SYN3: variants seen among roughly 807,000 people sequenced by gnomAD.
SYN3 encodes the protein synapsin III, also known as synapsin-3.
In SYN3, 35 loss-of-function variants were observed where a neutral mutation model predicts 65.8. That is an observed-to-expected ratio of 0.53 (90% CI 0.41 to 0.70). The LOEUF (loss-of-function observed/expected upper bound fraction) is 0.70, where lower values mean the gene tolerates loss of function less well. Ranked by LOEUF, SYN3 falls within the 30% of genes least tolerant of loss-of-function variation. The probability of loss-of-function intolerance (pLI) is 0.00; values close to 1 mark genes in which losing one functional copy is unlikely to be tolerated. For synonymous variants in SYN3, 270 were observed against 292.9 expected, an observed-to-expected ratio of 0.92 and a Z score of 0.80; for missense variants, 680 against 749.0, an observed-to-expected ratio of 0.91 and a Z score of 1.08.
chr22:32,833,772 G>T, intron 6 of SYN3: 1 of 498,040 alleles, frequency 2.0e-6, no homozygotes, highest in South Asian at 1.4e-5. Context: ...CTAAAAGATG[G>T]GCTAATGACA....
chr22:32,898,286 C>T (rs1489366954), intron 4 of SYN3, among the ~76,000 whole-genome samples: 2 of 152,112 alleles, frequency 1.3e-5, no homozygotes, highest in African/African-American at 4.8e-5. Flanking sequence ...AGCCACTGCG[C>T]CCGGCCCCAG....
chr22:32,522,163 C>T (rs1442075364), intron 12 of SYN3, among the ~76,000 whole-genome samples: 1 of 152,190 alleles, frequency 6.6e-6, no homozygotes, highest in Non-Finnish European at 1.5e-5. Flanking sequence ...AAATGAACAG[C>T]AAGTTCAAAA....
chr22:32,740,365 G>A (rs2061389068), intron 6 of SYN3, among the ~76,000 whole-genome samples: 1 of 152,176 alleles, frequency 6.6e-6, no homozygotes, highest in East Asian at 1.9e-4. Context: ...AAAAATGAGA[G>A]GTGCTGGAGA....
chr22:32,602,790 G>A (rs868865274), intron 6 of SYN3, among the ~76,000 whole-genome samples: 4 of 151,802 alleles, frequency 2.6e-5, no homozygotes, highest in Non-Finnish European at 5.9e-5. Flanking sequence ...TAGCTGCACC[G>A]TCTACACATG....
chr22:32,922,717 G>A (rs1262666437), intron 4 of SYN3, among the ~76,000 whole-genome samples: 1 of 152,100 alleles, frequency 6.6e-6, no homozygotes, highest in Non-Finnish European at 1.5e-5. Flanking sequence ...CAGAAAACAT[G>A]TGCCTTTCAT....
At chr22:32,983,900 C>T (rs138834078) in intron 2 of SYN3, among the ~76,000 whole-genome samples, 1 of 152,260 alleles carries the variant, frequency 6.6e-6, no homozygotes, top group East Asian at 1.9e-4. Flanking sequence ...TGGCTCATGC[C>T]TGTAATCCCA....
At chr22:32,798,837 G>A (rs970516116) in intron 6 of SYN3, among the ~76,000 whole-genome samples, 3 of 151,646 alleles carry the variant, frequency 2.0e-5, no homozygotes, top group East Asian at 3.9e-4. Context: ...GACTACAGGC[G>A]CCCACCACCA....
At chr22:32,814,356 A>G (rs1376280361) in intron 6 of SYN3, among the ~76,000 whole-genome samples, 1 of 151,224 alleles carries the variant, frequency 6.6e-6, no homozygotes, top group Non-Finnish European at 1.5e-5. Context: ...AAAGAGAGAA[A>G]GAAAGAAAGA....
chr22:32,746,547 T>C (rs1306437677), intron 6 of SYN3, among the ~76,000 whole-genome samples: 1 of 152,138 alleles, frequency 6.6e-6, no homozygotes, highest in Non-Finnish European at 1.5e-5. Flanking sequence ...AAGGCTTTCA[T>C]ATTTGGATGT....
chr22:32,822,940 C>G (rs868116715), intron 6 of SYN3, among the ~76,000 whole-genome samples: 3 of 115,258 alleles, frequency 2.6e-5, no homozygotes, highest in Non-Finnish European at 5.6e-5. Flanking sequence ...AAAAAAAAAA[C>G]AGAGAGAGAG....
intron 1 of SYN3, among the ~76,000 whole-genome samples, chr22:33,020,523 A>C (rs1482180827): frequency 1.3e-5 from 2 of 152,182 alleles, no homozygotes; most frequent in Non-Finnish European, 2.9e-5. Flanking sequence ...CAATGGTATA[A>C]GGTATAAGGC....
chr22:32,852,190 G>A (rs974460507), intron 6 of SYN3, among the ~76,000 whole-genome samples: 1 of 152,188 alleles, frequency 6.6e-6, no homozygotes, highest in African/African-American at 2.4e-5. Context: ...TCATATAACT[G>A]TTAAGATTAT....
intron 4 of SYN3, among the ~76,000 whole-genome samples, chr22:32,899,296 T>C (rs2049693099): frequency 6.6e-6 from 1 of 152,138 alleles, no homozygotes; most frequent in Non-Finnish European, 1.5e-5. Flanking sequence ...ATGGCAATAA[T>C]GAACACATAT....
intron 3 of SYN3, among the ~76,000 whole-genome samples, chr22:32,972,607 G>A (rs1052962466): frequency 2.0e-5 from 3 of 152,228 alleles, no homozygotes; most frequent in African/African-American, 7.2e-5. Context: ...AAAGAAGGCA[G>A]CAACAATTCT....
intron 4 of SYN3, among the ~76,000 whole-genome samples, chr22:32,914,432 T>C (rs974101620): frequency 3.1e-5 from 4 of 130,168 alleles, no homozygotes; most frequent in African/African-American, 1.2e-4. Flanking sequence ...GGCCCTATCA[T>C]GTGGAGTTTT....
At chr22:32,678,343 G>C (rs1021943211) in intron 6 of SYN3, among the ~76,000 whole-genome samples, 3 of 152,118 alleles carry the variant, frequency 2.0e-5, no homozygotes, top group Admixed American at 1.3e-4. Context: ...TTTCCTTTCT[G>C]AATCTCTCCT....
In SYN3 at chr22:32,508,628, A is replaced by G. The variant is rs947669641; in HGVS notation, c.*5064T>C. 3.9e-5 allele frequency among the ~76,000 whole-genome samples: 6 copies of G among 151,940 alleles called. No individual in the cohort carries two copies. The highest frequency in any genetic ancestry group is 3.9e-4 in the Admixed American group (6 of 15,266). On this transcript the variant is annotated 3_prime_UTR_variant, in exon 14 of 14. Transcript: ENST00000358763. ...TGATCTTCTTCCGCTTCTTTTCTCT[A>G]TCTCATTTTACTGGGTTTTGGTTTG...
chr22:32,855,130 A>G (rs949240041), intron 6 of SYN3, among the ~76,000 whole-genome samples: 1 of 152,258 alleles, frequency 6.6e-6, no homozygotes, highest in Non-Finnish European at 1.5e-5. Flanking sequence ...GACCACCAGC[A>G]GTCCAGGGCT....
At chr22:32,765,474 C>T (rs2045598170) in intron 6 of SYN3, among the ~76,000 whole-genome samples, 1 of 152,050 alleles carries the variant, frequency 6.6e-6, no homozygotes, top group Non-Finnish European at 1.5e-5. Context: ...GCTGAGGATT[C>T]CTGATAGGAC....
Sources: allele counts gnomAD v4.1 joint callset (sites outside exome capture counted in the v4.1 genomes callset), GRCh38; gene constraint gnomAD v4.1.1; transcripts MANE v1.5; gene names NCBI Gene and HGNC (gene_info 2026-07-23, HGNC 2026-07-21).